Variants in TMC1 observed in about 807,000 individuals in gnomAD.
The protein encoded by TMC1 is transmembrane channel like 1.
A neutral mutation model predicts 105.8 loss-of-function variants in TMC1; 84 were observed. The observed-to-expected ratio is 0.79, with a 90% CI of 0.67 to 0.95. The LOEUF is 0.95. TMC1 is among the 40% of genes least tolerant of loss of function. The pLI is 0.00. For missense variants in TMC1, 817 were observed against 914.1 expected, an observed-to-expected ratio of 0.89 and a Z score of 1.37; for synonymous variants, 315 against 311.5, an observed-to-expected ratio of 1.01 and a Z score of -0.12.
At chr9:72,812,228 A>C (rs946860013) in intron 18 of TMC1, among the ~76,000 whole-genome samples, 1 of 152,212 alleles carries the variant, frequency 6.6e-6, no homozygotes, top group Admixed American at 6.5e-5. Context: ...TGGAGTTAGC[A>C]AATGAACTGG....
chr9:72,760,055 TG>T, intron 12 of TMC1, among the ~76,000 whole-genome samples: 1 of 152,302 alleles, frequency 6.6e-6, no homozygotes. Context: ...AGAGCTTTCA[TG>T]TTTTTTTTTC....
intron 12 of TMC1, among the ~76,000 whole-genome samples, chr9:72,755,624 A>G (rs1020408426): frequency 4.6e-5 from 7 of 152,144 alleles, no homozygotes; most frequent in African/African-American, 1.4e-4. Context: ...GTAATTCCAC[A>G]TATTCTTTTT....
At chr9:72,772,324 G>A in intron 12 of TMC1, 89 bp from the exon 13 acceptor site, 1 of 1,561,456 alleles carries the variant, frequency 6.4e-7, no homozygotes, top group Non-Finnish European at 8.8e-7. Context: ...GAAAATTAAT[G>A]TCATTTTGTT....
At chr9:72,802,827 A>G (rs1457904000) in intron 17 of TMC1, among the ~76,000 whole-genome samples, 2 of 152,192 alleles carry the variant, frequency 1.3e-5, no homozygotes, top group Admixed American at 6.5e-5. Flanking sequence ...TATAGATTCA[A>G]TGCTATTTCC....
At chr9:72,819,146 A>G (rs1419119019) in intron 19 of TMC1, among the ~76,000 whole-genome samples, 3 of 152,216 alleles carry the variant, frequency 2.0e-5, no homozygotes, top group Non-Finnish European at 4.4e-5. Flanking sequence ...ACTTACCTTC[A>G]CTTTAGAGAC....
intron 4 of TMC1, among the ~76,000 whole-genome samples, chr9:72,635,519 G>C (rs1241300133): frequency 6.6e-6 from 1 of 152,006 alleles, no homozygotes; most frequent in African/African-American, 2.4e-5. Flanking sequence ...AAATTCCAAG[G>C]GCTTTAGGGG....
At chr9:72,586,520 CAG>C (rs1002362634) in intron 2 of TMC1, among the ~76,000 whole-genome samples, 2 of 152,118 alleles carry the variant, frequency 1.3e-5, no homozygotes, top group African/African-American at 4.8e-5. Context: ...GGCTTCTATT[CAG>C]AGAGATGAAT....
At chr9:72,650,187 A>T (rs1392348341) in intron 5 of TMC1, among the ~76,000 whole-genome samples, 1 of 152,232 alleles carries the variant, frequency 6.6e-6, no homozygotes, top group Non-Finnish European at 1.5e-5. Flanking sequence ...TTCTCTTCCA[A>T]ACTTTTTATA....
At chr9:72,685,097 A>ATTTTTTTTT (rs1771194393) in intron 5 of TMC1, among the ~76,000 whole-genome samples, 1 of 125,754 alleles carries the variant, frequency 8.0e-6, no homozygotes, top group African/African-American at 3.4e-5. Flanking sequence ...TTATAAAGTC[A>ATTTTTTTTT]TTCTTTTTTT....
chr9:72,828,756 C>G (rs534689570), intron 21 of TMC1, among the ~76,000 whole-genome samples: 1 of 152,294 alleles, frequency 6.6e-6, no homozygotes, highest in South Asian at 2.1e-4. Flanking sequence ...CACTCACTTG[C>G]AGCACCAAAC....
chr9:72,630,912 A>T (rs1825438523), intron 4 of TMC1, among the ~76,000 whole-genome samples: 1 of 148,916 alleles, frequency 6.7e-6, no homozygotes. Context: ...TCTGTCACCC[A>T]GGCTGGAGTG....
chr9:72,746,431 T>C (rs1220702177), intron 10 of TMC1, among the ~76,000 whole-genome samples: 4 of 152,128 alleles, frequency 2.6e-5, no homozygotes, highest in African/African-American at 4.8e-5. Flanking sequence ...TATAAGCAAA[T>C]AAATAATGAC....
intron 17 of TMC1, among the ~76,000 whole-genome samples, chr9:72,799,521 C>T (rs1228335881): frequency 1.3e-5 from 2 of 151,974 alleles, no homozygotes; most frequent in Non-Finnish European, 2.9e-5. Flanking sequence ...TGATTGAGTA[C>T]AAAAATTATG....
At chr9:72,618,396 TA>T (rs1463612835) in intron 3 of TMC1, among the ~76,000 whole-genome samples, 1 of 152,002 alleles carries the variant, frequency 6.6e-6, no homozygotes, top group Non-Finnish European at 1.5e-5. Context: ...AAAAATAGAA[TA>T]AAAAAGGAAC....
intron 5 of TMC1, among the ~76,000 whole-genome samples, chr9:72,674,990 C>G (rs1024129370): frequency 4.6e-5 from 7 of 152,164 alleles, no homozygotes; most frequent in African/African-American, 1.7e-4. Flanking sequence ...TTGTTTGGAA[C>G]TATCTTACTG....
intron 23 of TMC1, among the ~76,000 whole-genome samples, chr9:72,833,100 C>T (rs890645167): frequency 2.0e-5 from 3 of 151,890 alleles, no homozygotes; most frequent in South Asian, 2.1e-4. Context: ...AATATTTAAA[C>T]GATTTTTATA....
intron 5 of TMC1, among the ~76,000 whole-genome samples, chr9:72,656,787 T>C (rs7031996): frequency 0.36 from 54,696 of 151,936 alleles, 9,986 homozygotes; most frequent in East Asian, 0.43. Context: ...TTCTTTTTTT[T>C]CCCCCCTCCG....
intron 23 of TMC1, among the ~76,000 whole-genome samples, chr9:72,832,627 C>G (rs1829058479): frequency 6.6e-6 from 1 of 152,070 alleles, no homozygotes; most frequent in Non-Finnish European, 1.5e-5. Context: ...TGCTGGGTGT[C>G]CCCAAACAAC....
At position 72,744,386 on chromosome 9, in the gene TMC1, G is replaced by C. The variant is rs554312933; in HGVS notation, c.535+1861G>C. Among the ~76,000 whole-genome samples the C allele has an allele frequency of 8.5e-5, 13 of 152,130 alleles. No individual in the cohort carries two copies. In the South Asian group the frequency reaches 2.7e-3, roughly 32 times the overall value. On this transcript the variant is annotated intron_variant, in intron 10 of 23. Coordinates refer to ENST00000297784, the MANE Select transcript of TMC1 (RefSeq NM_138691.3). ...ATTGAATAAAATTACAGACAAACTC[G>C]CTAAATGTCTACCAATCTAGGAAAA...
Sources: allele counts gnomAD v4.1 joint callset (sites outside exome capture counted in the v4.1 genomes callset), GRCh38; gene constraint gnomAD v4.1.1; transcripts MANE v1.5; gene names NCBI Gene and HGNC (gene_info 2026-07-23, HGNC 2026-07-21).